The following PLD5 variants were observed in gnomAD, a reference collection of about 807,000 sequenced individuals.
PLD5 encodes phospholipase D family member 5, also known as inactive phospholipase D5.
In PLD5, 36 loss-of-function variants were observed where a neutral mutation model predicts 61.1. The observed-to-expected ratio is 0.59, with a 90% CI of 0.45 to 0.78. PLD5 has a LOEUF of 0.78. PLD5 is among the 30% of genes least tolerant of loss of function. PLD5 has a pLI of 0.00. For missense variants in PLD5, 515 were observed against 644.4 expected, an observed-to-expected ratio of 0.80 and a Z score of 2.17; for synonymous variants, 243 against 242.8, an observed-to-expected ratio of 1.00 and a Z score of -0.01.
chr1:242,377,546 C>T (rs1056340798), intron 1 of PLD5: 12 of 560,620 alleles, frequency 2.1e-5, no homozygotes, highest in East Asian at 1.8e-4. Flanking sequence ...CTAAGCAATA[C>T]GATTTCATAC....
intron 1 of PLD5, among the ~76,000 whole-genome samples, chr1:242,495,742 C>A (rs191892341): frequency 1.0e-3 from 152 of 152,268 alleles, no homozygotes; most frequent in Middle Eastern, 6.8e-3. Flanking sequence ...AAAATCAATA[C>A]CACCTCATCT....
At chr1:242,342,865 G>T (rs141377735) in intron 2 of PLD5, among the ~76,000 whole-genome samples, 3,309 of 152,196 alleles carry the variant, frequency 0.022, 42 homozygotes, top group Non-Finnish European at 0.036. Context: ...TTGTAGATTT[G>T]TGAGGGAAAT....
chr1:242,112,636 G>A (rs570987512), intron 7 of PLD5, among the ~76,000 whole-genome samples: 5 of 152,204 alleles, frequency 3.3e-5, no homozygotes, highest in Admixed American at 2.6e-4. Flanking sequence ...TAATCCTATG[G>A]TTATTTGCGT....
chr1:242,328,825 C>T (rs1263837784), intron 2 of PLD5, among the ~76,000 whole-genome samples: 1 of 152,166 alleles, frequency 6.6e-6, no homozygotes. Context: ...GCCAAAGAGC[C>T]CATCATTGGC....
intron 1 of PLD5, among the ~76,000 whole-genome samples, chr1:242,402,448 T>G (rs1487427337): frequency 6.6e-6 from 1 of 152,188 alleles, no homozygotes. Flanking sequence ...TAGCTCTATC[T>G]CCATAACACT....
chr1:242,088,360 T>C lies in PLD5; in HGVS notation c.*1494A>G, dbSNP rs1659569126. 6.6e-6 allele frequency: 1 copy of C among 152,222 alleles called. No homozygotes were observed. Among genetic ancestry groups the C allele is most frequent in the Non-Finnish European group, 1.5e-5 (1 of 68,034 alleles). The allele number at this position is 152,222 out of a possible 1,614,324, so 9.4% of individuals were successfully genotyped here. On this transcript the variant is annotated 3_prime_UTR_variant, in exon 10 of 10. Coordinates refer to ENST00000536534, the MANE Select transcript of PLD5 (RefSeq NM_001372062.1). ...CAGGAAGCTGTGAATTTGTTTTCCTTTGTGGATTCTGGGGGAGGACCTGGT... is the reference window on the plus strand; with the variant it reads ...CAGGAAGCTGTGAATTTGTTTTCCTCTGTGGATTCTGGGGGAGGACCTGGT...
At chr1:242,357,449 C>T (rs1295635569) in intron 1 of PLD5, among the ~76,000 whole-genome samples, 2 of 149,496 alleles carry the variant, frequency 1.3e-5, no homozygotes, top group Non-Finnish European at 1.5e-5. Flanking sequence ...ATTTTCTGTA[C>T]CTAGCTGTTG....
At chr1:242,284,464 C>T (rs1290073498) in intron 3 of PLD5, among the ~76,000 whole-genome samples, 4 of 152,088 alleles carry the variant, frequency 2.6e-5, no homozygotes, top group Admixed American at 6.6e-5. Flanking sequence ...CCAAGAAATG[C>T]GGTCTTCAGA....
intron 7 of PLD5, among the ~76,000 whole-genome samples, chr1:242,109,320 A>G (rs924470201): frequency 1.3e-5 from 2 of 152,216 alleles, no homozygotes; most frequent in Non-Finnish European, 2.9e-5. Context: ...TCTAATAAAA[A>G]TACAAAAATT....
intron 1 of PLD5, among the ~76,000 whole-genome samples, chr1:242,446,489 T>G (rs1436778078): frequency 6.6e-6 from 1 of 152,136 alleles, no homozygotes; most frequent in Non-Finnish European, 1.5e-5. Context: ...GAGAATCACT[T>G]GAACCTTAGA....
chr1:242,238,804 T>C (rs560491221), intron 4 of PLD5, among the ~76,000 whole-genome samples: 1 of 152,284 alleles, frequency 6.6e-6, no homozygotes, highest in South Asian at 2.1e-4. Context: ...GCAGAGCCTT[T>C]GGATGACTCT....
At chr1:242,211,714 AC>A (rs943636106) in intron 5 of PLD5, among the ~76,000 whole-genome samples, 13 of 151,900 alleles carry the variant, frequency 8.6e-5, no homozygotes, top group Non-Finnish European at 1.5e-4. Flanking sequence ...ATCACGATGG[AC>A]CCCCCGAAAA....
chr1:242,167,959 C>T (rs745779604), intron 5 of PLD5, among the ~76,000 whole-genome samples: 1 of 152,186 alleles, frequency 6.6e-6, no homozygotes, highest in African/African-American at 2.4e-5. Flanking sequence ...CACCAGAGTG[C>T]ACAACAAAAT....
Position 242,288,443 on chromosome 1 carries a change from A to T in PLD5, c.414T>A (p.Asn138Lys). 6.2e-7 allele frequency: 1 copy of T among 1,612,936 alleles called. No homozygotes were observed. Among genetic ancestry groups the T allele is most frequent in the Non-Finnish European group, 8.5e-7 (1 of 1,179,652 alleles). ...FHLSLFQGWM[N>K]LLNMAKKSVD... ...CAGACTTTTTGGCCATGTTGAGTAAATTCATCCAGCCTTGGAAAAGTGATA... is the reference window on the plus strand; with the variant it reads ...CAGACTTTTTGGCCATGTTGAGTAATTTCATCCAGCCTTGGAAAAGTGATA... Residue 138 changes from asparagine to lysine, a missense_variant, in exon 3 of 10, where the codon AAT becomes AAA. By Grantham distance (94) the Asn-to-Lys change is moderately conservative (BLOSUM62 0). This residue lies in a region of PLD5 where 450 missense variants were observed against 598.1 expected (regional missense o/e 0.75). Transcript: ENST00000536534.
chr1:242,146,025 G>A (rs74150805), intron 5 of PLD5, among the ~76,000 whole-genome samples: 1,949 of 152,296 alleles, frequency 0.013, 43 homozygotes, highest in African/African-American at 0.044. Flanking sequence ...GTGTTTCTAA[G>A]AGACTGTTCT....
At chr1:242,336,753 A>G (rs1033436145) in intron 2 of PLD5, among the ~76,000 whole-genome samples, 1 of 152,052 alleles carries the variant, frequency 6.6e-6, no homozygotes, top group African/African-American at 2.4e-5. Context: ...TATTGCATAC[A>G]TAGTTACTTG....
chr1:242,497,973 A>C (rs777887753), intron 1 of PLD5, among the ~76,000 whole-genome samples: 2 of 151,402 alleles, frequency 1.3e-5, no homozygotes, highest in Non-Finnish European at 2.9e-5. Flanking sequence ...TTATTTATTT[A>C]ATTTTTTTTG....
At chr1:242,245,723 C>CG (rs151048286) in intron 4 of PLD5, among the ~76,000 whole-genome samples, 6 of 152,246 alleles carry the variant, frequency 3.9e-5, no homozygotes, top group African/African-American at 1.4e-4. Context: ...CTGGGAGAAT[C>CG]GGGGGTGGGA....
At chr1:242,243,255 G>A (rs369079524) in intron 4 of PLD5, among the ~76,000 whole-genome samples, 1 of 152,242 alleles carries the variant, frequency 6.6e-6, no homozygotes, top group Non-Finnish European at 1.5e-5. Context: ...GCAGTTTAAA[G>A]AGAGTCCGGC....
Sources: gnomAD v4.1 joint callset for allele counts (sites outside exome capture counted in the v4.1 genomes callset) on GRCh38, gnomAD v4.1.1 for gene constraint, gnomAD v4.1.1 regional missense constraint, MANE v1.5 for transcripts, NCBI Gene and HGNC (gene_info 2026-07-23, HGNC 2026-07-21) for gene names.